Variants in HHLA2 observed in about 807,000 individuals in gnomAD.
HHLA2 encodes HHLA2 member of B7 family.
In HHLA2, 48 loss-of-function variants were observed where a neutral mutation model predicts 45.9. The observed-to-expected ratio is 1.05, with a 90% CI of 0.83 to 1.33. The LOEUF is 1.33. Ranked by LOEUF, HHLA2 falls within the 40% of genes most tolerant of loss-of-function variation. The pLI is 0.00. For missense variants in HHLA2, 462 were observed against 494.3 expected (o/e 0.93, Z 0.62); for synonymous variants, 161 against 173.9 (o/e 0.93, Z 0.59).
At chr3:108,304,252 CA>C (rs1336232230) in intron 1 of HHLA2, among the ~76,000 whole-genome samples, 7 of 152,170 alleles carry the variant, frequency 4.6e-5, no homozygotes, top group Non-Finnish European at 1.0e-4. Flanking sequence ...TTACTTTCCT[CA>C]GGCTCCTTTA....
rs570802331 is a variant in HHLA2 at position 108,314,650 on chromosome 3, G to A, written c.-105+3909G>A. On this transcript the variant is annotated intron_variant, in intron 2 of 10. Coordinates refer to ENST00000619531, the Ensembl canonical transcript of HHLA2. ...AGGTGAGGAGAGGGCGGTAGGCTGT[G>A]AACGAATATTTGTGTACCTATTATA... is the stretch of plus-strand genomic sequence containing the variant. Among the ~76,000 whole-genome samples the A allele has an allele frequency of 2.0e-5, 3 of 152,256 alleles. No individual in the cohort carries two copies. In the South Asian group the frequency reaches 6.2e-4, roughly 32 times the overall value.
chr3:108,319,975 C>T (rs750307047), intron 2 of HHLA2, among the ~76,000 whole-genome samples: 41 of 152,286 alleles, frequency 2.7e-4, no homozygotes, highest in Non-Finnish European at 4.7e-4. Flanking sequence ...AGTATAATGT[C>T]GACTTTACCC....
At chr3:108,347,060 T>C (rs1425922269) in intron 3 of HHLA2, among the ~76,000 whole-genome samples, 1 of 152,136 alleles carries the variant, frequency 6.6e-6, no homozygotes, top group Non-Finnish European at 1.5e-5. Flanking sequence ...TTGGGCCCTT[T>C]TGTAAGGGTG....
At chr3:108,340,499 T>C (rs2081546034) in intron 3 of HHLA2, among the ~76,000 whole-genome samples, 1 of 152,176 alleles carries the variant, frequency 6.6e-6, no homozygotes, top group Non-Finnish European at 1.5e-5. Context: ...TAGAAACAAA[T>C]AGAACCAAAC....
chr3:108,366,887 G>GTCTA (rs1211016450), intron 8 of HHLA2, among the ~76,000 whole-genome samples: 1 of 152,032 alleles, frequency 6.6e-6, no homozygotes, highest in Non-Finnish European at 1.5e-5. Flanking sequence ...CTGGCTAGCA[G>GTCTA]TCTATCTATT....
chr3:108,334,583 C>A (rs72937780), intron 3 of HHLA2, among the ~76,000 whole-genome samples: 200 of 152,252 alleles, frequency 1.3e-3, no homozygotes, highest in African/African-American at 4.5e-3. Context: ...AGACATCCAT[C>A]CCTATTATAT....
At chr3:108,328,893 T>C (rs2081337043) in intron 3 of HHLA2, among the ~76,000 whole-genome samples, 1 of 152,128 alleles carries the variant, frequency 6.6e-6, no homozygotes. Context: ...GGATTAAGTA[T>C]GGGGTCTCTA....
intron 3 of HHLA2, among the ~76,000 whole-genome samples, chr3:108,335,813 TA>T (rs566860640): frequency 1.0e-3 from 153 of 152,238 alleles, no homozygotes; most frequent in African/African-American, 3.6e-3. Flanking sequence ...AAAGTAGTGA[TA>T]GGGGCTTTGT....
chr3:108,316,769 C>T lies in HHLA2; in HGVS notation c.-105+6028C>T, dbSNP rs551031159. On this transcript the variant is annotated intron_variant, in intron 2 of 10. Transcript: ENST00000619531. ...AAATTACTATGCTTACTAAATCGCACGCTTTAGGCCCTATTTTTTTTTCCA... is the reference window on the plus strand; with the variant it reads ...AAATTACTATGCTTACTAAATCGCATGCTTTAGGCCCTATTTTTTTTTCCA... Among the ~76,000 whole-genome samples the T allele has an allele frequency of 9.2e-4, 140 of 152,274 alleles. 1 individual carries two copies. The highest frequency in any genetic ancestry group is 3.4e-3 in the Middle Eastern group (1 of 294).
chr3:108,325,200 T>C (rs1468817541), intron 2 of HHLA2, among the ~76,000 whole-genome samples: 15 of 152,186 alleles, frequency 9.9e-5, no homozygotes, highest in Admixed American at 9.8e-4. Context: ...GACCAGACTA[T>C]TACATTTAGA....
At chr3:108,362,353 G>A (rs774447103) in exon 8 of HHLA2, 45 of 1,608,860 alleles carry the variant, frequency 2.8e-5, no homozygotes, top group African/African-American at 4.0e-5. Context: ...ACCGAGCCAA[G>A]AAACAGCTTC....
chr3:108,333,346 G>A (rs115181563), intron 3 of HHLA2, among the ~76,000 whole-genome samples: 2,494 of 152,198 alleles, frequency 0.016, 57 homozygotes, highest in African/African-American at 0.055. Flanking sequence ...AAGCAGCAAA[G>A]TCTCTTTTAT....
chr3:108,299,417 A>C (rs149381952), intron 1 of HHLA2, among the ~76,000 whole-genome samples: 1 of 151,186 alleles, frequency 6.6e-6, no homozygotes, highest in East Asian at 1.9e-4. Flanking sequence ...TAATAAGTGA[A>C]AAGGGTGAAA....
At chr3:108,376,666 A>G (rs2082281698) in intron 10 of HHLA2, 109 bp downstream of exon 9, 2 of 889,186 alleles carry the variant, frequency 2.2e-6, no homozygotes, top group Non-Finnish European at 3.5e-6. Context: ...ACTTTTATAC[A>G]GAAAAAAACA....
intron 8 of HHLA2, among the ~76,000 whole-genome samples, chr3:108,372,922 C>T (rs1281126320): frequency 1.3e-5 from 2 of 152,178 alleles, no homozygotes; most frequent in Non-Finnish European, 2.9e-5. Flanking sequence ...TGGTACCATT[C>T]CTTCTGAAAC....
chr3:108,333,767 G>T (rs2081427151), intron 3 of HHLA2, among the ~76,000 whole-genome samples: 1 of 152,196 alleles, frequency 6.6e-6, no homozygotes, highest in South Asian at 2.1e-4. Context: ...AGCCTAGGCA[G>T]CCAGCTTTAA....
At chr3:108,344,187 T>C (rs2081623925) in intron 3 of HHLA2, among the ~76,000 whole-genome samples, 1 of 99,408 alleles carries the variant, frequency 1.0e-5, no homozygotes, top group African/African-American at 3.5e-5. Context: ...ATGGTGCCAC[T>C]GTTTGATTTT....
chr3:108,355,438 G>A (rs2081872960), intron 6 of HHLA2, 57 bp downstream of exon 5: 6 of 1,532,998 alleles, frequency 3.9e-6, no homozygotes, highest in African/African-American at 1.4e-5. Context: ...GGGGGTAATG[G>A]GGACTGATTT....
At chr3:108,343,021 C>G (rs2081602758) in intron 3 of HHLA2, among the ~76,000 whole-genome samples, 1 of 152,168 alleles carries the variant, frequency 6.6e-6, no homozygotes, top group South Asian at 2.1e-4. Context: ...TAGGGACTGA[C>G]TCATCCCTGT....
Sources: gnomAD v4.1 joint callset for allele counts (sites outside exome capture counted in the v4.1 genomes callset) on GRCh38, gnomAD v4.1.1 for gene constraint, MANE v1.5 for transcripts, NCBI Gene and HGNC (gene_info 2026-07-23, HGNC 2026-07-21) for gene names.